PVT1: variants seen among roughly 807,000 people sequenced by gnomAD.
The protein encoded by PVT1 is CXCR4/PVT1 fusion.
intron 2 of PVT1, among the ~76,000 whole-genome samples, chr8:127,869,393 A>G (rs1815326880): frequency 6.6e-6 from 1 of 152,138 alleles, no homozygotes; most frequent in African/African-American, 2.4e-5. Context: ...CTCCTCTCAA[A>G]GTGCTGGGAT....
chr8:127,819,501 G>A (rs1268829883), intron 2 of PVT1, among the ~76,000 whole-genome samples: 1 of 152,222 alleles, frequency 6.6e-6, no homozygotes, highest in Non-Finnish European at 1.5e-5. Flanking sequence ...AAGGTTAACA[G>A]CTAACCAGTA....
chr8:128,097,703 G>T (rs117534279), intron 6 of PVT1, among the ~76,000 whole-genome samples: 2 of 152,266 alleles, frequency 1.3e-5, no homozygotes, highest in East Asian at 1.9e-4. Context: ...GCATGGAGAG[G>T]TTTAACTCGT....
intron 3 of PVT1, among the ~76,000 whole-genome samples, chr8:127,942,466 G>A (rs1816365040): frequency 6.6e-6 from 1 of 152,166 alleles, no homozygotes; most frequent in Non-Finnish European, 1.5e-5. Flanking sequence ...ACATCTTCAT[G>A]CATTGAAACT....
At chr8:127,918,691 G>T (rs564215372) in intron 3 of PVT1, among the ~76,000 whole-genome samples, 1 of 152,286 alleles carries the variant, frequency 6.6e-6, no homozygotes, top group South Asian at 2.1e-4. Flanking sequence ...CTCTAGCTTT[G>T]CAGAGAAAGC....
intron 3 of PVT1, among the ~76,000 whole-genome samples, chr8:127,964,724 C>T (rs1816684887): frequency 6.6e-6 from 1 of 152,182 alleles, no homozygotes; most frequent in Non-Finnish European, 1.5e-5. Flanking sequence ...GCTCTTGTCT[C>T]CACGTACCTT....
intron 2 of PVT1, among the ~76,000 whole-genome samples, chr8:127,833,738 C>T (rs899241312): frequency 1.3e-5 from 2 of 152,098 alleles, no homozygotes; most frequent in Non-Finnish European, 2.9e-5. Flanking sequence ...ACAAGCCTGC[C>T]TTATGGATCT....
chr8:128,029,026 A>G (rs1021451231), intron 4 of PVT1, among the ~76,000 whole-genome samples: 5 of 151,578 alleles, frequency 3.3e-5, no homozygotes, highest in East Asian at 3.9e-4. Flanking sequence ...TATTTTTTAT[A>G]GAGATGGGGT....
chr8:127,818,535 G>A (rs1478753203), intron 2 of PVT1, among the ~76,000 whole-genome samples: 1 of 152,176 alleles, frequency 6.6e-6, no homozygotes, highest in Non-Finnish European at 1.5e-5. Flanking sequence ...TTATAAATGA[G>A]GGCTCTGCTG....
chr8:127,861,923 A>C (rs965060136), intron 2 of PVT1, among the ~76,000 whole-genome samples: 2 of 152,090 alleles, frequency 1.3e-5, no homozygotes, highest in African/African-American at 4.8e-5. Context: ...AAACCTTTTC[A>C]TGTGTCTCTG....
intron 5 of PVT1, among the ~76,000 whole-genome samples, chr8:128,071,866 A>G (rs911341907): frequency 1.3e-5 from 2 of 152,244 alleles, no homozygotes; most frequent in Non-Finnish European, 2.9e-5. Flanking sequence ...GCTACATCAC[A>G]GGCTCCTACA....
At chr8:127,906,169 A>T (rs1815817080) in intron 3 of PVT1, among the ~76,000 whole-genome samples, 1 of 151,812 alleles carries the variant, frequency 6.6e-6, no homozygotes, top group South Asian at 2.1e-4. Context: ...TCCTTTCCCC[A>T]CTCTGCTTTC....
At chr8:127,828,135 G>A (rs1388398262) in intron 2 of PVT1, among the ~76,000 whole-genome samples, 2 of 152,160 alleles carry the variant, frequency 1.3e-5, no homozygotes, top group Non-Finnish European at 2.9e-5. Context: ...TGGACAGAAG[G>A]CTATGTGCTT....
intron 3 of PVT1, among the ~76,000 whole-genome samples, chr8:127,910,788 A>C (rs904375948): frequency 6.6e-6 from 1 of 152,174 alleles, no homozygotes; most frequent in African/African-American, 2.4e-5. Flanking sequence ...TATAATGTCT[A>C]ATGTCACACT....
intron 3 of PVT1, among the ~76,000 whole-genome samples, chr8:127,981,569 A>G (rs1816883754): frequency 1.3e-5 from 2 of 152,182 alleles, no homozygotes; most frequent in Non-Finnish European, 2.9e-5. Flanking sequence ...AATGAAAACT[A>G]TTTACATTTA....
At chr8:127,814,443 C>G (rs900530085) in intron 2 of PVT1, among the ~76,000 whole-genome samples, 3 of 152,188 alleles carry the variant, frequency 2.0e-5, no homozygotes, top group African/African-American at 7.2e-5. Flanking sequence ...TCTTAATGAG[C>G]AGTTCCAGCT....
At position 127,837,011 on chromosome 8, in the gene PVT1, A is replaced by G. The variant is rs997067879; in HGVS notation, n.372+40940A>G. ...GTTGGACTTCACTGGCCTGTCCCAC[A>G]CCTGAGGATATGGATTCTAGCCCAT... On this transcript the variant is annotated intron_variant and non_coding_transcript_variant, in intron 2 of 10. Coordinates refer to ENST00000651587, the Ensembl canonical transcript of PVT1. Among the ~76,000 whole-genome samples the G allele has an allele frequency of 6.6e-5, 10 of 152,236 alleles. No individual in the cohort carries two copies. The East Asian group carries it at 1.7e-3, about 26-fold the overall frequency.
intron 3 of PVT1, among the ~76,000 whole-genome samples, chr8:127,927,489 C>T (rs1381243368): frequency 1.3e-5 from 2 of 152,228 alleles, no homozygotes; most frequent in African/African-American, 4.8e-5. Context: ...CCATGAAGCC[C>T]TTTTGGATGC....
chr8:127,966,960 G>T (rs1422381797), intron 3 of PVT1, among the ~76,000 whole-genome samples: 1 of 152,154 alleles, frequency 6.6e-6, no homozygotes, highest in African/African-American at 2.4e-5. Flanking sequence ...ATGGCTAGTG[G>T]GTTTGCTGGC....
chr8:127,855,138 C>T (rs1008014436), intron 2 of PVT1: 9 of 398,582 alleles, frequency 2.3e-5, no homozygotes, highest in African/African-American at 1.9e-4. Context: ...CACGTGGCTG[C>T]TGGAATCTTC....
Sources: gnomAD v4.1 joint callset for allele counts (sites outside exome capture counted in the v4.1 genomes callset) on GRCh38, gnomAD v4.1.1 for gene constraint, MANE v1.5 for transcripts, NCBI Gene and HGNC (gene_info 2026-07-23, HGNC 2026-07-21) for gene names.